Variants in MATN2 observed in about 807,000 individuals in gnomAD.
MATN2 encodes matrilin-2.
Under a neutral mutation model 103.2 loss-of-function variants are expected in MATN2, and 69 were observed. The ratio of observed to expected loss-of-function variants is 0.67; its 90% CI spans 0.55 to 0.82. MATN2 has a LOEUF of 0.82. MATN2 is among the 40% of genes least tolerant of loss of function. MATN2 has a pLI of 0.00. For missense variants in MATN2, 1,023 were observed against 1,211.5 expected (o/e 0.84, Z 2.31); for synonymous variants, 429 against 450.2 (o/e 0.95, Z 0.60).
chr8:97,935,598 G>A (rs1035340765), intron 3 of MATN2, among the ~76,000 whole-genome samples: 3 of 152,040 alleles, frequency 2.0e-5, no homozygotes, highest in Non-Finnish European at 2.9e-5. Context: ...GCTCACTACC[G>A]CCTCAAAGTT....
intron 1 of MATN2, among the ~76,000 whole-genome samples, chr8:97,880,894 T>C (rs545734355): frequency 6.6e-6 from 1 of 152,294 alleles, no homozygotes; most frequent in African/African-American, 2.4e-5. Context: ...GAAAATCTTA[T>C]TCTTAACAAG....
At chr8:98,022,232 A>C (rs1161514758) in intron 13 of MATN2, among the ~76,000 whole-genome samples, 1 of 152,152 alleles carries the variant, frequency 6.6e-6, no homozygotes, top group African/African-American at 2.4e-5. Flanking sequence ...CATGGTGCTG[A>C]ATGTTTTTTA....
At chr8:97,973,954 TA>T (rs1272496671) in intron 5 of MATN2, among the ~76,000 whole-genome samples, 1 of 152,234 alleles carries the variant, frequency 6.6e-6, no homozygotes, top group African/African-American at 2.4e-5. Flanking sequence ...TAAAGCAGTC[TA>T]ACAGCAGAAC....
intron 1 of MATN2, among the ~76,000 whole-genome samples, chr8:97,869,854 T>C (rs533444077): frequency 1.6e-4 from 24 of 152,014 alleles, no homozygotes; most frequent in African/African-American, 5.8e-4. Context: ...TTGGAGCCGT[T>C]TGGGGAGAGG....
intron 10 of MATN2, among the ~76,000 whole-genome samples, chr8:98,013,435 T>C (rs1320938023): frequency 6.6e-6 from 1 of 152,240 alleles, no homozygotes; most frequent in Non-Finnish European, 1.5e-5. Context: ...GAGGTGGATC[T>C]AATTACCCTC....
intron 7 of MATN2, among the ~76,000 whole-genome samples, chr8:98,003,059 C>T (rs961495616): frequency 2.6e-5 from 4 of 152,116 alleles, no homozygotes; most frequent in African/African-American, 4.8e-5. Context: ...TGCCCCTCGC[C>T]CTCATCCCCA....
intron 4 of MATN2, among the ~76,000 whole-genome samples, chr8:97,954,382 C>G: frequency 6.6e-6 from 1 of 152,192 alleles, no homozygotes; most frequent in East Asian, 1.9e-4. Flanking sequence ...CAGATTTTTA[C>G]CTATTTGCTT....
At chr8:97,981,941 GA>G (rs201938738) in intron 6 of MATN2, among the ~76,000 whole-genome samples, 12,942 of 152,324 alleles carry the variant, frequency 0.085, 817 homozygotes, top group Admixed American at 0.19. Context: ...GGAGCCACGG[GA>G]GGGGCTGATC....
intron 4 of MATN2, among the ~76,000 whole-genome samples, chr8:97,960,317 T>C (rs1811267431): frequency 6.6e-6 from 1 of 152,230 alleles, no homozygotes; most frequent in South Asian, 2.1e-4. Context: ...TAATGCTCTC[T>C]GATTATCTCC....
chr8:97,984,766 A>G (rs1456577638), intron 6 of MATN2, among the ~76,000 whole-genome samples: 1 of 152,226 alleles, frequency 6.6e-6, no homozygotes, highest in Non-Finnish European at 1.5e-5. Flanking sequence ...TGTGTCAGAT[A>G]TGATTGTAGA....
chr8:97,916,856 T>C (rs1233756966), intron 2 of MATN2, among the ~76,000 whole-genome samples: 1 of 152,206 alleles, frequency 6.6e-6, no homozygotes, highest in Non-Finnish European at 1.5e-5. Context: ...CCACAGTTGT[T>C]GAACCTCATA....
At chr8:97,930,775 C>T (rs1373874378) in intron 2 of MATN2, among the ~76,000 whole-genome samples, 178 bp from the exon 3 acceptor site, 1 of 152,056 alleles carries the variant, frequency 6.6e-6, no homozygotes, top group Non-Finnish European at 1.5e-5. Context: ...GGTGCCGCCA[C>T]CACACCCGGC....
chr8:97,940,124 T>A (rs1439350371), intron 3 of MATN2, among the ~76,000 whole-genome samples: 2 of 152,204 alleles, frequency 1.3e-5, no homozygotes, highest in African/African-American at 2.4e-5. Context: ...TTTATTCTCA[T>A]GTCTTATAAA....
intron 2 of MATN2, among the ~76,000 whole-genome samples, chr8:97,914,999 T>C (rs1336734862): frequency 6.6e-6 from 1 of 152,172 alleles, no homozygotes; most frequent in Non-Finnish European, 1.5e-5. Context: ...TTGTTTTTTG[T>C]TTTTAGAGAC....
At chr8:98,024,713 G>A (rs1338954991) in intron 13 of MATN2, 1 of 152,200 alleles carries the variant, frequency 6.6e-6, no homozygotes, top group Non-Finnish European at 1.5e-5. Flanking sequence ...TCTTTAAAGG[G>A]CTTATCCATG....
chr8:97,901,512 C>G (rs1212154581), intron 2 of MATN2, among the ~76,000 whole-genome samples: 2 of 152,240 alleles, frequency 1.3e-5, no homozygotes, highest in Non-Finnish European at 2.9e-5. Flanking sequence ...CTTGACCTCC[C>G]AAAGTGCTGT....
chr8:97,999,769 C>T (rs7006753), intron 7 of MATN2, among the ~76,000 whole-genome samples: 6,818 of 152,166 alleles, frequency 0.045, 499 homozygotes, highest in African/African-American at 0.15. Flanking sequence ...GTGACCTTCT[C>T]TCCATGCACT....
intron 7 of MATN2, 94 bp downstream of exon 7, chr8:97,994,696 T>G: frequency 7.4e-7 from 1 of 1,348,270 alleles, no homozygotes; most frequent in Non-Finnish European, 1.0e-6. Flanking sequence ...AAGATGTGCT[T>G]GTATTCAGCA....
chr8:97,891,130 A>G (rs779876238), intron 2 of MATN2, among the ~76,000 whole-genome samples: 1 of 152,126 alleles, frequency 6.6e-6, no homozygotes, highest in Non-Finnish European at 1.5e-5. Context: ...TTTAAGATGA[A>G]TAGACACCAT....
Sources: gnomAD v4.1 joint callset for allele counts (sites outside exome capture counted in the v4.1 genomes callset) on GRCh38, gnomAD v4.1.1 for gene constraint, MANE v1.5 for transcripts, NCBI Gene and HGNC (gene_info 2026-07-23, HGNC 2026-07-21) for gene names.